Variants in NBEA observed in about 807,000 individuals in gnomAD.
NBEA encodes neurobeachin, also known as lysosomal-trafficking regulator 2.
In NBEA, 44 loss-of-function variants were observed where a neutral mutation model predicts 343.4. The observed-to-expected ratio is 0.13, with a 90% confidence interval of 0.10 to 0.16. The LOEUF is 0.16. NBEA is among the 10% of genes least tolerant of loss of function. The probability of loss-of-function intolerance (pLI) is 1.00; values close to 1 mark genes in which losing one functional copy is unlikely to be tolerated. For synonymous variants in NBEA, 1,175 were observed against 1,238.7 expected (o/e 0.95, Z 1.08); for missense variants, 2,555 against 3,631.3 (o/e 0.70, Z 7.62).
chr13:35,476,170 G>A (rs751965334), intron 41 of NBEA: 4 of 1,612,148 alleles, frequency 2.5e-6, no homozygotes, highest in Non-Finnish European at 3.4e-6. Flanking sequence ...GTACACCGGA[G>A]TCTCGCAGTA....
intron 17 of NBEA, among the ~76,000 whole-genome samples, chr13:35,131,489 A>T (rs1436973933): frequency 6.6e-6 from 1 of 152,224 alleles, no homozygotes; most frequent in Non-Finnish European, 1.5e-5. Context: ...CATAAAATTC[A>T]GTATCATTTG....
chr13:35,419,152 T>C (rs1438638141), intron 38 of NBEA, among the ~76,000 whole-genome samples: 1 of 152,098 alleles, frequency 6.6e-6, no homozygotes, highest in Non-Finnish European at 1.5e-5. Context: ...TGGAACATTT[T>C]GGATTTTCAG....
At chr13:35,344,674 C>G (rs573867496) in intron 36 of NBEA, among the ~76,000 whole-genome samples, 4 of 152,040 alleles carry the variant, frequency 2.6e-5, no homozygotes, top group South Asian at 2.1e-4. Flanking sequence ...GAGCAATGTC[C>G]TAGAAAATAT....
chr13:35,046,405 A>C (rs1234299618), intron 4 of NBEA, among the ~76,000 whole-genome samples: 2 of 152,154 alleles, frequency 1.3e-5, no homozygotes, highest in African/African-American at 2.4e-5. Flanking sequence ...GCAGTGTATG[A>C]GAGTCCCACT....
intron 41 of NBEA, among the ~76,000 whole-genome samples, chr13:35,541,725 GGTGTGTGTGT>G (rs3075505): frequency 7.6e-5 from 11 of 145,230 alleles, no homozygotes; most frequent in South Asian, 2.3e-4. Flanking sequence ...GGTCTGCATG[GGTGTGTGTGT>G]GTGTGTGTGT....
At chr13:34,968,714 T>TA (rs1340405634) in intron 1 of NBEA, among the ~76,000 whole-genome samples, 1 of 152,178 alleles carries the variant, frequency 6.6e-6, no homozygotes, top group Non-Finnish European at 1.5e-5. Context: ...TTTGAACTGT[T>TA]TCTTCTATTT....
At chr13:35,516,748 G>A (rs947847669) in intron 41 of NBEA, among the ~76,000 whole-genome samples, 1 of 152,008 alleles carries the variant, frequency 6.6e-6, no homozygotes, top group African/African-American at 2.4e-5. Context: ...GTAGAGTAAG[G>A]GAAAAGAAAC....
intron 49 of NBEA, among the ~76,000 whole-genome samples, chr13:35,644,955 G>A: frequency 6.6e-6 from 1 of 152,194 alleles, no homozygotes; most frequent in East Asian, 1.9e-4. Context: ...CATTGCCTCT[G>A]CAGATAAAAG....
chr13:35,056,417 G>T (rs2063262783), intron 7 of NBEA, among the ~76,000 whole-genome samples: 2 of 151,926 alleles, frequency 1.3e-5, no homozygotes, highest in Admixed American at 1.3e-4. Context: ...AAAAAATGTG[G>T]TTTACCCCTT....
chr13:35,606,623 A>T, intron 48 of NBEA, 45 bp downstream of exon 48: 1 of 1,513,294 alleles, frequency 6.6e-7, no homozygotes. Context: ...CAGGGAGTTA[A>T]CATATTCTGT....
At position 35,045,400 on chromosome 13, in the gene NBEA, C is replaced by T. The variant is rs1478929230; in HGVS notation, c.722C>T (p.Ala241Val). ...TFFNFPGCSA[A>V]AIALPPIAKW... is the part of the protein sequence containing the mutation. Reference sequence around the variant, plus strand: ...TTCAATTTCCCTGGTTGTAGCGCTGCGGTAAGTTTTAAATACATGTGCTGA... The same window carrying T: ...TTCAATTTCCCTGGTTGTAGCGCTGTGGTAAGTTTTAAATACATGTGCTGA... The change falls in exon 4 of 59, where the codon GCG (alanine) becomes GTG (valine). Residue 241 changes from alanine to valine, a missense_variant and splice_region_variant. Transcript: ENST00000379939. 4.4e-6 allele frequency: 7 copies of T among 1,602,228 alleles called. No individual in the cohort carries two copies. The highest frequency in any genetic ancestry group is 1.7e-5 in the Admixed American group (1 of 59,102).
intron 36 of NBEA, among the ~76,000 whole-genome samples, chr13:35,348,795 G>C (rs1004468330): frequency 1.2e-4 from 18 of 151,880 alleles, no homozygotes; most frequent in African/African-American, 3.9e-4. Flanking sequence ...CTCTAAGATA[G>C]TGACTTCTGT....
At chr13:35,402,548 G>A (rs2152907760) in intron 38 of NBEA, among the ~76,000 whole-genome samples, 1 of 152,234 alleles carries the variant, frequency 6.6e-6, no homozygotes, top group Middle Eastern at 3.4e-3. Flanking sequence ...TGTAGGAAAA[G>A]AACCGAACCA....
chr13:35,476,739 G>A, intron 41 of NBEA: 2 of 1,060,910 alleles, frequency 1.9e-6, no homozygotes, highest in East Asian at 7.7e-5. Context: ...GGCCAGGCAG[G>A]CGGGCGGCCA....
At chr13:35,571,748 A>AT (rs11458683) in intron 45 of NBEA, among the ~76,000 whole-genome samples, 133,970 of 152,064 alleles carry the variant, frequency 0.88, 61,530 homozygotes, top group East Asian at 1. Flanking sequence ...TTAATAAAAT[A>AT]TTTTAATTCA....
At chr13:35,294,500 T>A (rs1196204795) in intron 35 of NBEA, among the ~76,000 whole-genome samples, 1 of 152,170 alleles carries the variant, frequency 6.6e-6, no homozygotes, top group Non-Finnish European at 1.5e-5. Context: ...GGAGTAGATG[T>A]TTTTTCCCCG....
intron 48 of NBEA, among the ~76,000 whole-genome samples, chr13:35,620,711 A>G (rs141079694): frequency 1.4e-4 from 21 of 152,280 alleles, no homozygotes; most frequent in African/African-American, 5.1e-4. Flanking sequence ...GAGATCTGCT[A>G]GAAGGTAATT....
At chr13:35,554,801 T>A (rs2079509675) in intron 43 of NBEA, among the ~76,000 whole-genome samples, 186 bp from the exon 44 acceptor site, 1 of 152,208 alleles carries the variant, frequency 6.6e-6, no homozygotes, top group Non-Finnish European at 1.5e-5. Context: ...AAGTGTATCT[T>A]CTCTATAATA....
intron 41 of NBEA, among the ~76,000 whole-genome samples, chr13:35,506,381 T>C (rs900378908): frequency 5.3e-5 from 8 of 152,222 alleles, no homozygotes; most frequent in African/African-American, 2.4e-5. Flanking sequence ...ATCCATTAAA[T>C]GTATAAATCT....
Sources: gnomAD v4.1 joint callset for allele counts (sites outside exome capture counted in the v4.1 genomes callset) on GRCh38, gnomAD v4.1.1 for gene constraint, MANE v1.5 for transcripts, NCBI Gene and HGNC (gene_info 2026-07-23, HGNC 2026-07-21) for gene names.